The following RBFOX1 variants were observed in gnomAD, a reference collection of about 807,000 sequenced individuals.
RBFOX1 encodes RNA binding fox-1 homolog 1.
A neutral mutation model predicts 57.7 loss-of-function variants in RBFOX1; 8 were observed. That is an observed-to-expected ratio of 0.14 (90% CI 0.08 to 0.25). The LOEUF is 0.25. Among genes scored for constraint, RBFOX1 ranks in the 10% least tolerant of loss-of-function variants. The pLI is 1.00. For missense variants in RBFOX1, 611 were observed against 548.5 expected (o/e 1.11, Z -1.14); for synonymous variants, 326 against 222.4 (o/e 1.47, Z -4.15).
intron 2 of RBFOX1, among the ~76,000 whole-genome samples, chr16:6,377,000 G>A (rs1047824264): frequency 3.4e-4 from 52 of 151,836 alleles, no homozygotes; most frequent in African/African-American, 1.2e-3. Flanking sequence ...GACTGGGCTC[G>A]GTGGCTCATG....
intron 3 of RBFOX1, among the ~76,000 whole-genome samples, chr16:6,685,244 G>A (rs7192707): frequency 0.069 from 10,258 of 149,046 alleles, 1,037 homozygotes; most frequent in African/African-American, 0.22. Context: ...ATGACTTCAC[G>A]TAAGTGTACT....
intron 4 of RBFOX1, among the ~76,000 whole-genome samples, chr16:5,933,457 A>G (rs989030499): frequency 6.6e-6 from 1 of 152,150 alleles, no homozygotes; most frequent in Non-Finnish European, 1.5e-5. Flanking sequence ...GTTTTGAGGG[A>G]TCTCTTTAGG....
intron 3 of RBFOX1, among the ~76,000 whole-genome samples, chr16:7,036,152 C>G (rs893507025): frequency 6.6e-6 from 1 of 151,876 alleles, no homozygotes; most frequent in Non-Finnish European, 1.5e-5. Flanking sequence ...CCTTCTATCC[C>G]TATTTCCTTG....
chr16:5,630,158 G>C (rs1037675933), intron 3 of RBFOX1, among the ~76,000 whole-genome samples: 1 of 152,154 alleles, frequency 6.6e-6, no homozygotes, highest in African/African-American at 2.4e-5. Flanking sequence ...AGATCAAGGA[G>C]GAAGCATAGG....
chr16:7,349,291 C>T (rs2097082757), intron 4 of RBFOX1, among the ~76,000 whole-genome samples: 2 of 152,178 alleles, frequency 1.3e-5, no homozygotes, highest in African/African-American at 2.4e-5. Context: ...TGTCAGCTCT[C>T]ATCACTCCTT....
chr16:7,393,086 C>G (rs1190627601), intron 4 of RBFOX1, among the ~76,000 whole-genome samples: 3 of 152,160 alleles, frequency 2.0e-5, no homozygotes, highest in African/African-American at 4.8e-5. Flanking sequence ...GTTGGCCAGG[C>G]TGGTCTGGAA....
At chr16:5,657,997 G>C (rs192088165) in intron 3 of RBFOX1, among the ~76,000 whole-genome samples, 123 of 152,144 alleles carry the variant, frequency 8.1e-4, no homozygotes, top group Middle Eastern at 3.4e-3. Flanking sequence ...CTCCCAAAAT[G>C]ATGATATTAC....
At chr16:5,891,351 C>A (rs556054400) in intron 4 of RBFOX1, among the ~76,000 whole-genome samples, 2 of 152,276 alleles carry the variant, frequency 1.3e-5, no homozygotes, top group South Asian at 4.1e-4. Context: ...CCCTTGGTTT[C>A]AAGTTCTTTG....
chr16:7,296,723 G>A (rs181849254), intron 4 of RBFOX1, among the ~76,000 whole-genome samples: 4 of 152,256 alleles, frequency 2.6e-5, no homozygotes, highest in Non-Finnish European at 4.4e-5. Context: ...CCATGCAACC[G>A]TTTTCAGAGT....
chr16:6,564,206 G>A (rs1182121104), intron 2 of RBFOX1, among the ~76,000 whole-genome samples: 1 of 152,126 alleles, frequency 6.6e-6, no homozygotes, highest in East Asian at 1.9e-4. Context: ...TACCCTCACT[G>A]TGAATGAATG....
chr16:5,675,700 C>G (rs767022106), intron 3 of RBFOX1, among the ~76,000 whole-genome samples: 2 of 152,132 alleles, frequency 1.3e-5, no homozygotes, highest in Non-Finnish European at 2.9e-5. Context: ...TGTGCTGGAG[C>G]CCATCTGTCA....
Position 5,290,945 on chromosome 16 carries a change from C to T in RBFOX1, c.219+50840C>T, listed in dbSNP as rs568687815. 2.0e-5 allele frequency among the ~76,000 whole-genome samples: 3 copies of T among 152,286 alleles called. No individual in the cohort carries two copies. The East Asian group carries it at 5.8e-4, about 29-fold the overall frequency. ...AACTCCTGGATCTCAGGTGATGCACCCGCCTCAGCTTCGCAAAGTACTGGG... is the reference window on the plus strand; with the variant it reads ...AACTCCTGGATCTCAGGTGATGCACTCGCCTCAGCTTCGCAAAGTACTGGG... On this transcript the variant is annotated intron_variant, in intron 1 of 2. Coordinates refer to the RBFOX1 transcript ENST00000585867.
At chr16:6,734,509 C>G (rs1016982241) in intron 3 of RBFOX1, among the ~76,000 whole-genome samples, 2 of 152,132 alleles carry the variant, frequency 1.3e-5, no homozygotes, top group South Asian at 4.1e-4. Flanking sequence ...GGAAGTTAAA[C>G]CACTTACTTG....
chr16:5,824,221 C>T (rs574341448), intron 3 of RBFOX1, among the ~76,000 whole-genome samples: 8 of 152,306 alleles, frequency 5.3e-5, no homozygotes, highest in Non-Finnish European at 4.4e-5. Context: ...GAGGGGGCGC[C>T]AGAGTCTGCG....
chr16:6,927,606 G>A (rs933808856), intron 3 of RBFOX1, among the ~76,000 whole-genome samples: 9 of 151,952 alleles, frequency 5.9e-5, no homozygotes, highest in African/African-American at 2.2e-4. Flanking sequence ...AAAAGTACCT[G>A]ACATTTAGCA....
At chr16:7,001,562 T>C (rs1271609716) in intron 3 of RBFOX1, among the ~76,000 whole-genome samples, 1 of 152,156 alleles carries the variant, frequency 6.6e-6, no homozygotes, top group Non-Finnish European at 1.5e-5. Flanking sequence ...GTTCAAGTGA[T>C]GCTCCTACAT....
chr16:5,984,795 G>A (rs1379103923), intron 4 of RBFOX1, among the ~76,000 whole-genome samples: 1 of 151,660 alleles, frequency 6.6e-6, no homozygotes, highest in East Asian at 1.9e-4. Context: ...TTTGCTCCTA[G>A]GCTACAAACT....
At chr16:6,150,069 A>G (rs1442737554) in intron 1 of RBFOX1, among the ~76,000 whole-genome samples, 1 of 152,212 alleles carries the variant, frequency 6.6e-6, no homozygotes, top group East Asian at 1.9e-4. Flanking sequence ...ACTGTGGGGC[A>G]AGGTGTTGGA....
chr16:7,062,327 A>AG (rs2054597674), intron 4 of RBFOX1, among the ~76,000 whole-genome samples: 2 of 150,310 alleles, frequency 1.3e-5, no homozygotes, highest in African/African-American at 4.9e-5. Flanking sequence ...CAAAAAAAAA[A>AG]AAAAAAAAAA....
Sources: allele counts gnomAD v4.1 joint callset (sites outside exome capture counted in the v4.1 genomes callset), GRCh38; gene constraint gnomAD v4.1.1; transcripts MANE v1.5; gene names NCBI Gene and HGNC (gene_info 2026-07-23, HGNC 2026-07-21).